Variants in USF2 observed in about 807,000 individuals in gnomAD.
USF2 encodes upstream transcription factor 2, c-fos interacting, also known as upstream stimulatory factor 2.
A neutral mutation model predicts 46.9 loss-of-function variants in USF2; 16 were observed. The ratio of observed to expected loss-of-function variants is 0.34; its 90% CI spans 0.23 to 0.52. USF2 has a LOEUF of 0.52. Ranked by LOEUF, USF2 falls within the 20% of genes least tolerant of loss-of-function variation. USF2 has a pLI of 0.96. For synonymous variants in USF2, 239 were observed against 194.1 expected (o/e 1.23, Z -1.92); for missense variants, 411 against 474.0 (o/e 0.87, Z 1.23).
chr19:35,277,334 A>T (rs10424619), intron 7 of USF2: 26,229 of 153,204 alleles, frequency 0.17, 2,608 homozygotes, highest in Middle Eastern at 0.23. Context: ...CAGGGAAGAG[A>T]GGTCACGGTG....
At chr19:35,270,662 C>A in intron 5 of USF2, 56 bp from the exon 6 acceptor site, 3 of 1,612,102 alleles carry the variant, frequency 1.9e-6, no homozygotes, top group Non-Finnish European at 2.5e-6. Context: ...GGGAAGCCCC[C>A]CCAGCCAGTT....
Position 35,279,010 on chromosome 19 carries a change from G to A in USF2, c.887G>A (p.Arg296His), listed in dbSNP as rs1014141298. 1.7e-5 allele frequency: 27 copies of A among 1,577,804 alleles called. No homozygotes were observed. The highest frequency in any genetic ancestry group is 6.7e-5 in the East Asian group (3 of 44,482). ...CGGGAGTTGCGCCAGACCAACCAGC[G>A]CATGCAGGAGACCTTCAAAGAGGCC... ...YIRELRQTNQ[R>H]MQETFKEAER... is the part of the protein sequence containing the mutation. The change falls in exon 9 of 10, where the codon CGC (arginine) becomes CAC (histidine). Residue 296 changes from arginine (R) to histidine (H), a missense_variant. Arg to His is a conservative substitution (Grantham distance 29). Around this residue, in one of 2 missense-constraint regions of USF2, gnomAD observed 93 missense variants for 151.6 expected, o/e 0.61. Coordinates refer to ENST00000222305, the MANE Select transcript of USF2 (RefSeq NM_003367.4).
In USF2 at chr19:35,270,113, C is replaced by T. The variant is rs2066128061; in HGVS notation, c.429+110C>T. 3.3e-6 allele frequency: 4 copies of T among 1,215,808 alleles called. No homozygotes were observed. In the South Asian group the frequency reaches 6.3e-5, roughly 19 times the overall value. 75.3% of individuals were successfully genotyped at this position (1,215,808 alleles called of 1,614,324 possible). Reference sequence around the variant, plus strand: ...GGCAGGTGTCGCCCAGCGGATGCTGCCTTCAGGCCTCAGGCTGCATGGGGC... The same window carrying T: ...GGCAGGTGTCGCCCAGCGGATGCTGTCTTCAGGCCTCAGGCTGCATGGGGC... On this transcript the variant is annotated intron_variant, in intron 4 of 9. Coordinates refer to ENST00000222305, the MANE Select transcript of USF2 (RefSeq NM_003367.4).
chr19:35,273,741 A>G (rs773785349), intron 7 of USF2, among the ~76,000 whole-genome samples: 5 of 152,036 alleles, frequency 3.3e-5, no homozygotes, highest in Non-Finnish European at 7.4e-5. Flanking sequence ...TTATCTGTAG[A>G]GTGGAGGTCT....
chr19:35,270,654 G>T, intron 5 of USF2, 57 bp downstream of exon 5: 1 of 1,611,644 alleles, frequency 6.2e-7, no homozygotes, highest in South Asian at 1.1e-5. Flanking sequence ...AGCAGGGAGG[G>T]AAGCCCCCCC....
chr19:35,273,663 T>A (rs952828279), intron 7 of USF2, among the ~76,000 whole-genome samples: 1 of 152,174 alleles, frequency 6.6e-6, no homozygotes, highest in African/African-American at 2.4e-5. Flanking sequence ...GCTCAAGCGA[T>A]CCTCACACCT....
chr19:35,273,325 A>G (rs1599627750), intron 7 of USF2, among the ~76,000 whole-genome samples: 3 of 152,062 alleles, frequency 2.0e-5, no homozygotes, highest in African/African-American at 7.2e-5. Flanking sequence ...CTGGGCTCCA[A>G]GCATCTGATG....
intron 7 of USF2, chr19:35,275,795 C>G (rs1249244044): frequency 1.3e-5 from 2 of 152,088 alleles, no homozygotes; most frequent in African/African-American, 4.8e-5. Flanking sequence ...CCTTGAAATT[C>G]GATGAGACTT....
Position 35,279,426 on chromosome 19 carries a change from A to G in USF2, c.*170A>G. The stretch of plus-strand genomic sequence containing the variant: ...ATGCATTTCTGTGGATACAGTGCCC[A>G]CCGCCCTCCTCCACTTGGAAACGGT... On this transcript the variant is annotated 3_prime_UTR_variant, in exon 10 of 10. Transcript: ENST00000222305. The G allele has an allele frequency of 2.9e-6, 2 of 696,560 alleles. No homozygotes were observed. The highest frequency in any genetic ancestry group is 2.2e-6 in the Non-Finnish European group (1 of 456,500). The allele number at this position is 696,560 out of a possible 1,614,324, so 43.1% of individuals were successfully genotyped here.
intron 2 of USF2, 44 bp from the exon 3 acceptor site, chr19:35,269,537 G>A (rs1052078795): frequency 1.3e-6 from 2 of 1,550,164 alleles, no homozygotes; most frequent in Non-Finnish European, 8.7e-7. Flanking sequence ...GGCTGGGGGC[G>A]CTCGGCGCGG....
intron 7 of USF2, chr19:35,275,174 G>C (rs1282046601): frequency 6.6e-6 from 1 of 152,126 alleles, no homozygotes; most frequent in Non-Finnish European, 1.5e-5. Context: ...AGTCTCCCAA[G>C]TAGCTGGGAC....
chr19:35,270,292 G>A (rs2066131965), intron 4 of USF2, 155 bp from the exon 5 acceptor site: 9 of 1,181,416 alleles, frequency 7.6e-6, no homozygotes, highest in South Asian at 3.2e-5. Flanking sequence ...CCATGTTCCA[G>A]GGCTGTTTGA....
At chr19:35,270,039 G>C in intron 4 of USF2, 36 bp downstream of exon 4, 1 of 1,348,696 alleles carries the variant, frequency 7.4e-7, no homozygotes, top group Non-Finnish European at 9.5e-7. Flanking sequence ...GGGGGGGGAG[G>C]GAGTGGAGAG....
chr19:35,271,060 C>CA (rs1555755588), intron 6 of USF2, 23 bp from the exon 7 acceptor site: 87 of 1,591,772 alleles, frequency 5.5e-5, no homozygotes, highest in Non-Finnish European at 7.2e-5. Flanking sequence ...TACATGCCCC[C>CA]TTTTTTTTTC....
intron 8 of USF2, 42 bp from the exon 9 acceptor site, chr19:35,278,904 G>A (rs369053353): frequency 2.5e-5 from 40 of 1,577,598 alleles, no homozygotes; most frequent in Non-Finnish European, 3.4e-5. Context: ...GAGGCCGGTG[G>A]GCGGTGCCTG....
At position 35,270,805 on chromosome 19, in the gene USF2, C is replaced by T. The variant is rs757173577; in HGVS notation, c.668C>T (p.Pro223Leu). 9 of 1,613,986 alleles carry T rather than the reference C, an allele frequency of 5.6e-6. No individual in the cohort carries two copies. Among genetic ancestry groups the T allele is most frequent in the Non-Finnish European group, 7.6e-6 (9 of 1,180,016 alleles). The stretch of plus-strand genomic sequence containing the variant: ...GCCCCCCGGACACACCCTTACTCTC[C>T]GTATGTGCAGGGGACACCTGGAGGG... Reference protein sequence around the residue: ...TIAPRTHPYSPKIDGTRTPRD... With the variant: ...TIAPRTHPYSLKIDGTRTPRD... Residue 223 changes from proline (P) to leucine (L), a missense_variant and splice_region_variant, in exon 6 of 10, where the codon CCA (proline) becomes CTA (leucine). By Grantham distance (98) the Pro-to-Leu change is moderately conservative. Coordinates refer to ENST00000222305, the MANE Select transcript of USF2 (RefSeq NM_003367.4).
At chr19:35,272,106 G>A (rs1294463999) in intron 7 of USF2, among the ~76,000 whole-genome samples, 1 of 152,208 alleles carries the variant, frequency 6.6e-6, no homozygotes, top group Admixed American at 6.5e-5. Context: ...AGGTAGTTGT[G>A]TTCTGAGCAG....
At position 35,269,510 on chromosome 19, in the gene USF2, C is replaced by T; in HGVS notation, c.109+18C>T. 6.5e-7 allele frequency: 1 copy of T among 1,539,772 alleles called. No individual in the cohort carries two copies. Among genetic ancestry groups the T allele is most frequent in the Admixed American group, 2.0e-5 (1 of 50,300 alleles). On this transcript the variant is annotated intron_variant, in intron 2 of 9. Transcript: ENST00000222305. ...GCAGGAAGGTGAGTGCTTGCCGGGCCGGCCGCGCCCGGGGAGGGCTGGGGG... is the reference window on the plus strand; with the variant it reads ...GCAGGAAGGTGAGTGCTTGCCGGGCTGGCCGCGCCCGGGGAGGGCTGGGGG...
chr19:35,270,507 G>A lies in USF2; in HGVS notation c.490G>A (p.Glu164Lys), dbSNP rs1283016548. 5 of 1,614,196 alleles carry A rather than the reference G, an allele frequency of 3.1e-6. No individual in the cohort carries two copies. Among genetic ancestry groups the A allele is most frequent in the Non-Finnish European group, 4.2e-6 (5 of 1,180,028 alleles). ...TCCGGCGGCCGAGGCTGTCAGCGGG[G>A]AGGCACGATTTGCCTATTTCCCAGC... Reference protein sequence around the residue: ...GSPAAEAVSGEARFAYFPASS... With the variant: ...GSPAAEAVSGKARFAYFPASS... The change falls in exon 5 of 10, where the codon GAG becomes AAG. Residue 164 changes from glutamate (E) to lysine (K), a missense_variant. Physicochemically the swap from Glu to Lys is moderately conservative, Grantham distance 56. Around this residue, in one of 2 missense-constraint regions of USF2, gnomAD observed 318 missense variants for 322.4 expected, o/e 0.99. Coordinates refer to ENST00000222305, the MANE Select transcript of USF2 (RefSeq NM_003367.4).
Sources: gnomAD v4.1 joint callset for allele counts (sites outside exome capture counted in the v4.1 genomes callset) on GRCh38, gnomAD v4.1.1 for gene constraint, gnomAD v4.1.1 regional missense constraint, MANE v1.5 for transcripts, NCBI Gene and HGNC (gene_info 2026-07-23, HGNC 2026-07-21) for gene names.